PCDH9: variants seen among roughly 807,000 people sequenced by gnomAD.
PCDH9 encodes the protein protocadherin-9.
In PCDH9, 24 loss-of-function variants were observed where a neutral mutation model predicts 70.6. The ratio of observed to expected loss-of-function variants is 0.34; its 90% CI spans 0.25 to 0.48. PCDH9 has a LOEUF of 0.48. PCDH9 is among the 20% of genes least tolerant of loss of function. The pLI is 0.99. For synonymous variants in PCDH9, 562 were observed against 558.5 expected, an observed-to-expected ratio of 1.01 and a Z score of -0.09; for missense variants, 1,281 against 1,503.6, an observed-to-expected ratio of 0.85 and a Z score of 2.45.
At chr13:66,339,899 T>C (rs1334397569) in intron 4 of PCDH9, among the ~76,000 whole-genome samples, 1 of 152,132 alleles carries the variant, frequency 6.6e-6, no homozygotes, top group Admixed American at 6.6e-5. Context: ...TTTGTTTCTC[T>C]AGGCACATAA....
intron 3 of PCDH9, among the ~76,000 whole-genome samples, chr13:66,707,224 C>T (rs1407764215): frequency 6.6e-6 from 1 of 152,108 alleles, no homozygotes; most frequent in Admixed American, 6.6e-5. Context: ...TAAGCAGTTG[C>T]CATTTAACAT....
chr13:66,841,287 T>C (rs749106623), intron 3 of PCDH9, among the ~76,000 whole-genome samples: 3 of 152,116 alleles, frequency 2.0e-5, no homozygotes, highest in Non-Finnish European at 4.4e-5. Flanking sequence ...TTGACAAACA[T>C]ATGTATGAAA....
At chr13:66,364,111 C>A (rs76857383) in intron 4 of PCDH9, among the ~76,000 whole-genome samples, 1 of 151,864 alleles carries the variant, frequency 6.6e-6, no homozygotes, top group Non-Finnish European at 1.5e-5. Context: ...GCCAAGACCA[C>A]GCCATTGCAC....
At chr13:66,616,892 G>T (rs1012188014) in intron 4 of PCDH9, among the ~76,000 whole-genome samples, 9 of 152,038 alleles carry the variant, frequency 5.9e-5, no homozygotes, top group Non-Finnish European at 1.2e-4. Context: ...ACACATTTTT[G>T]TCCCAGCCTC....
At chr13:66,471,358 A>G (rs1958615786) in intron 4 of PCDH9, among the ~76,000 whole-genome samples, 1 of 152,178 alleles carries the variant, frequency 6.6e-6, no homozygotes. Flanking sequence ...AGTCAATACT[A>G]TTTAATTGAT....
chr13:66,443,971 A>G (rs1269734550), intron 4 of PCDH9, among the ~76,000 whole-genome samples: 1 of 152,158 alleles, frequency 6.6e-6, no homozygotes, highest in Non-Finnish European at 1.5e-5. Flanking sequence ...TCAATTTCAG[A>G]AGGCAATGAC....
chr13:66,831,790 T>A (rs2080929890), intron 3 of PCDH9, among the ~76,000 whole-genome samples: 1 of 152,098 alleles, frequency 6.6e-6, no homozygotes, highest in Non-Finnish European at 1.5e-5. Flanking sequence ...GGGTTACAAT[T>A]AGTGGGGAGC....
intron 3 of PCDH9, among the ~76,000 whole-genome samples, chr13:66,865,346 G>A (rs561721649): frequency 6.6e-6 from 1 of 152,092 alleles, no homozygotes; most frequent in South Asian, 2.1e-4. Context: ...CCAGGATGTT[G>A]TATTTCATTA....
At chr13:66,320,647 T>C (rs191421695) in intron 4 of PCDH9, among the ~76,000 whole-genome samples, 9 of 152,136 alleles carry the variant, frequency 5.9e-5, no homozygotes, top group Admixed American at 5.9e-4. Flanking sequence ...TTCATGGCCA[T>C]GTTATAACTA....
rs550084946 is a variant in PCDH9 at position 67,095,626 on chromosome 13, G to T, written c.3036+129779C>A. On this transcript the variant is annotated intron_variant, in intron 2 of 4. Coordinates refer to ENST00000377865, the MANE Select transcript of PCDH9 (RefSeq NM_203487.3). ...CAGTGTGACTTTGGATGTATTATTAGCTTTCTGCTCTTCAGTTTCTTCTAA... is the reference window on the plus strand; with the variant it reads ...CAGTGTGACTTTGGATGTATTATTATCTTTCTGCTCTTCAGTTTCTTCTAA... Among the ~76,000 whole-genome samples the T allele has an allele frequency of 1.6e-4, 25 of 152,218 alleles. 1 individual carries two copies. The South Asian group carries it at 3.7e-3, about 23-fold the overall frequency.
At chr13:67,048,100 C>CT (rs764781206) in intron 2 of PCDH9, among the ~76,000 whole-genome samples, 1 of 152,134 alleles carries the variant, frequency 6.6e-6, no homozygotes, top group Non-Finnish European at 1.5e-5. Context: ...ACCTAGGACT[C>CT]TAAACTGTGA....
At chr13:67,107,162 A>G (rs1447252787) in intron 2 of PCDH9, among the ~76,000 whole-genome samples, 4 of 151,802 alleles carry the variant, frequency 2.6e-5, no homozygotes, top group Non-Finnish European at 5.9e-5. Flanking sequence ...GGCAGCCCCA[A>G]ATGAGATCTT....
chr13:66,822,885 T>C (rs1338647923), intron 3 of PCDH9, among the ~76,000 whole-genome samples: 4 of 152,112 alleles, frequency 2.6e-5, no homozygotes, highest in African/African-American at 2.4e-5. Context: ...ATAAAAACAA[T>C]TGAATTTTCT....
chr13:67,015,017 G>A (rs1043277634), intron 2 of PCDH9, among the ~76,000 whole-genome samples: 4 of 151,808 alleles, frequency 2.6e-5, no homozygotes, highest in South Asian at 2.1e-4. Context: ...AATTAGTTTT[G>A]GTCCTAGTCA....
chr13:66,561,843 C>G (rs535385042), intron 4 of PCDH9, among the ~76,000 whole-genome samples: 18 of 152,138 alleles, frequency 1.2e-4, no homozygotes, highest in African/African-American at 4.3e-4. Flanking sequence ...GCAGGCTGCC[C>G]GAGTCAGCAG....
chr13:66,326,215 A>C (rs138371821), intron 4 of PCDH9, among the ~76,000 whole-genome samples: 1 of 152,006 alleles, frequency 6.6e-6, no homozygotes, highest in Non-Finnish European at 1.5e-5. Flanking sequence ...CAAATTATCA[A>C]TCCTTTCTCA....
Position 67,227,199 on chromosome 13 carries a change from T to C in PCDH9, c.1242A>G (p.Val414=), listed in dbSNP as rs367673527. 1.1e-5 allele frequency: 17 copies of C among 1,613,262 alleles called. No individual in the cohort carries two copies. The African/African-American group carries it at 2.3e-4, about 22-fold the overall frequency. The change falls in exon 2 of 5, where the codon GTA becomes GTG. Residue 414 remains valine (V), a synonymous_variant. Coordinates refer to ENST00000377865, the MANE Select transcript of PCDH9 (RefSeq NM_203487.3). The surrounding 1 kb of genome is among the most constrained non-coding windows in gnomAD (Gnocchi z 4.6). ...EREVPFHLKA[V]YDNQYLLETS... is the part of the protein sequence containing the mutation. ...TCTCTAACAAATATTGGTTGTCATA[T>C]ACCGCCTTCAAATGAAATGGGACCT... is the stretch of plus-strand genomic sequence containing the variant.
At chr13:66,367,066 C>T (rs1390379977) in intron 4 of PCDH9, among the ~76,000 whole-genome samples, 2 of 152,060 alleles carry the variant, frequency 1.3e-5, no homozygotes, top group African/African-American at 4.8e-5. Flanking sequence ...TGTGCTAGTG[C>T]AACATTAATT....
At chr13:66,843,672 G>T (rs2081154364) in intron 3 of PCDH9, among the ~76,000 whole-genome samples, 1 of 152,184 alleles carries the variant, frequency 6.6e-6, no homozygotes, top group Admixed American at 6.5e-5. Flanking sequence ...GGGAGATGGG[G>T]TGAATATCAC....
Sources: allele counts gnomAD v4.1 joint callset (sites outside exome capture counted in the v4.1 genomes callset), GRCh38; gene constraint gnomAD v4.1.1; non-coding constraint Gnocchi (gnomAD v3.1); transcripts MANE v1.5; gene names NCBI Gene and HGNC (gene_info 2026-07-23, HGNC 2026-07-21).